The following CNTNAP3B variants were observed in gnomAD, a reference collection of about 807,000 sequenced individuals.
The protein encoded by CNTNAP3B is contactin associated protein family member 3B, also known as contactin-associated protein-like 3B.
A neutral mutation model predicts 108.9 loss-of-function variants in CNTNAP3B; 25 were observed. That is an observed-to-expected ratio of 0.23 (90% CI 0.17 to 0.32). CNTNAP3B has a LOEUF of 0.32. CNTNAP3B is among the 10% of genes least tolerant of loss of function. CNTNAP3B has a pLI of 1.00. For synonymous variants in CNTNAP3B, 103 were observed against 473.4 expected (o/e 0.22, Z 10.16); for missense variants, 252 against 1,210.4 (o/e 0.21, Z 11.75).
At chr9:41,994,173 G>GC (rs1312500900) in intron 7 of CNTNAP3B, 1 of 104,132 alleles carries the variant, frequency 9.6e-6, no homozygotes, top group Non-Finnish European at 1.9e-5. Context: ...TTTGGAAATA[G>GC]CCCCATAGAA....
intron 17 of CNTNAP3B, among the ~76,000 whole-genome samples, chr9:41,922,259 A>T (rs1823689835): frequency 8.0e-6 from 1 of 124,664 alleles, no homozygotes; most frequent in Non-Finnish European, 1.7e-5. Flanking sequence ...AGGTCAAGAG[A>T]TCACGACCAT....
intron 1 of CNTNAP3B, among the ~76,000 whole-genome samples, chr9:42,117,831 A>G (rs1289181525): frequency 1.4e-5 from 2 of 138,952 alleles, no homozygotes; most frequent in East Asian, 2.2e-4. Flanking sequence ...ACAATAAAAA[A>G]TGACAAAGGG....
intron 3 of CNTNAP3B, among the ~76,000 whole-genome samples, chr9:42,021,900 G>C (rs1434581381): frequency 1.5e-5 from 2 of 133,852 alleles, no homozygotes; most frequent in African/African-American, 3.0e-5. Context: ...GCAATGGGGA[G>C]ACCTGATCTA....
At chr9:42,098,599 C>A (rs76793175) in intron 2 of CNTNAP3B, among the ~76,000 whole-genome samples, 1,068 of 52,474 alleles carry the variant, frequency 0.02, 158 homozygotes, top group South Asian at 0.063. Flanking sequence ...AAAAAAAAAA[C>A]CAACAGCAAA....
At chr9:42,097,592 C>A (rs1211076308) in intron 2 of CNTNAP3B, among the ~76,000 whole-genome samples, 1 of 139,816 alleles carries the variant, frequency 7.2e-6, no homozygotes, top group Non-Finnish European at 1.5e-5. Flanking sequence ...TTACGTACTT[C>A]AAAAACTAAA....
chr9:42,094,057 G>C (rs1937245197), intron 2 of CNTNAP3B, among the ~76,000 whole-genome samples: 1 of 136,304 alleles, frequency 7.3e-6, no homozygotes, highest in South Asian at 2.4e-4. Context: ...CAGCTAGTAA[G>C]GGGTAGAGCC....
In CNTNAP3B at chr9:41,964,009, A is replaced by T. The variant is rs1470704819; in HGVS notation, c.1756+529T>A. 2.0e-5 allele frequency among the ~76,000 whole-genome samples: 3 copies of T among 151,916 alleles called. No individual in the cohort carries two copies. The East Asian group carries it at 5.8e-4, about 29-fold the overall frequency. On this transcript the variant is annotated intron_variant, in intron 11 of 23. Transcript: ENST00000377561. ...AAGAAAATCACAGTCATTGTAAGAG[A>T]TCTTAAAGGTCCTCTAGTTTCTAGC...
rs1358770573 is a variant in CNTNAP3B at position 41,993,890 on chromosome 9, CTTTTTG to C, written c.1072-2025_1072-2020del. ...ATATGCACAATTTGGAATGAATTGT[CTTTTTG>C]TTTTTGTGTGAAACTTACACATTTT... On this transcript the variant is annotated intron_variant, in intron 7 of 23. Transcript: ENST00000377561. The C allele has an allele frequency of 2.3e-5, 3 of 128,472 alleles. No homozygotes were observed. The East Asian group carries it at 7.6e-4, about 32-fold the overall frequency. The allele number at this position is 128,472 out of a possible 1,614,324, so 8.0% of individuals were successfully genotyped here.
rs1267850883 is a variant in CNTNAP3B, at chr9:42,129,284, G to A, written c.-190C>T. 3.2e-5 allele frequency: 23 copies of A among 709,470 alleles called. 2 individuals are homozygous for A. Among genetic ancestry groups the A allele is most frequent in the Admixed American group, 5.7e-5 (1 of 17,582 alleles). 43.9% of individuals were successfully genotyped at this position (709,470 alleles called of 1,614,324 possible). A position where few individuals can be genotyped will look rare whatever the true frequency, so the allele number is the denominator to read the frequency against. The stretch of plus-strand genomic sequence containing the variant: ...TCGGCGCTGCAGACCCTCCCGCCAA[G>A]CCGCGCCCGGCCCCAGCTGCGTCTC... On this transcript the variant is annotated 5_prime_UTR_variant, in exon 1 of 24. Transcript: ENST00000377561.
In CNTNAP3B at chr9:42,122,321, AAG is replaced by A. The variant is rs944733685; in HGVS notation, c.85+6687_85+6688del. Among the ~76,000 whole-genome samples the A allele has an allele frequency of 1.6e-4, 22 of 139,200 alleles. 6 individuals carry two copies. The highest frequency in any genetic ancestry group is 5.1e-4 in the African/African-American group (18 of 35,180). The allele number at this position is 139,200 out of a possible 152,430, so 91.3% of individuals were successfully genotyped here. ...TCCTTTGTTAGTGGACAAGAATGAA[AAG>A]AGATAAATTAGTTACTTTCTTAAAG... On this transcript the variant is annotated intron_variant, in intron 1 of 23. Transcript: ENST00000377561.
chr9:42,054,670 T>G (rs140478282), intron 3 of CNTNAP3B, among the ~76,000 whole-genome samples: 1 of 151,612 alleles, frequency 6.6e-6, no homozygotes, highest in Non-Finnish European at 1.5e-5. Flanking sequence ...ACATTAAACA[T>G]GGGAAAAAAA....
chr9:42,047,678 C>CACTT (rs1310530059), intron 3 of CNTNAP3B, among the ~76,000 whole-genome samples: 1 of 19,230 alleles, frequency 5.2e-5, no homozygotes, highest in Non-Finnish European at 1.1e-4. Context: ...GCCCCTTCCT[C>CACTT]CCTTCCTTCC....
At chr9:41,940,602 G>A (rs1304046838) in intron 13 of CNTNAP3B, among the ~76,000 whole-genome samples, 2 of 152,270 alleles carry the variant, frequency 1.3e-5, no homozygotes, top group Non-Finnish European at 2.9e-5. Flanking sequence ...GGCGGATCAC[G>A]AGGTCAGATC....
At chr9:42,116,853 A>G (rs992969220) in intron 1 of CNTNAP3B, among the ~76,000 whole-genome samples, 6 of 138,254 alleles carry the variant, frequency 4.3e-5, no homozygotes, top group Admixed American at 2.2e-4. Context: ...GGGAAAACAA[A>G]AAAAAAGCAG....
chr9:41,932,511 T>TTTAAC (rs1460517570), intron 14 of CNTNAP3B, among the ~76,000 whole-genome samples: 2 of 146,802 alleles, frequency 1.4e-5, no homozygotes, highest in Non-Finnish European at 3.0e-5. Context: ...TTTTTAACTT[T>TTTAAC]TTTTTCTTCT....
At chr9:42,120,001 T>C (rs943710175) in intron 1 of CNTNAP3B, among the ~76,000 whole-genome samples, 15 of 146,724 alleles carry the variant, frequency 1.0e-4, no homozygotes, top group Non-Finnish European at 2.1e-4. Flanking sequence ...AAAGAGCTTC[T>C]ACAGAGCAAA....
At chr9:41,966,865 G>T (rs1456525368) in intron 10 of CNTNAP3B, among the ~76,000 whole-genome samples, 1 of 149,926 alleles carries the variant, frequency 6.7e-6, no homozygotes, top group Non-Finnish European at 1.5e-5. Flanking sequence ...TACTCGGGAG[G>T]CCGAGGCATG....
chr9:41,932,044 G>A (rs1823993531), intron 14 of CNTNAP3B, among the ~76,000 whole-genome samples: 1 of 152,098 alleles, frequency 6.6e-6, no homozygotes, highest in South Asian at 2.1e-4. Context: ...CATAAAGATA[G>A]CCAGTGTTTT....
intron 2 of CNTNAP3B, among the ~76,000 whole-genome samples, chr9:42,085,645 AAGTTTCCTATTCAACC>A (rs1378116408): frequency 1.5e-5 from 2 of 132,352 alleles, no homozygotes; most frequent in Non-Finnish European, 3.2e-5. Flanking sequence ...GGTAAACAGG[AAGTTTCCTATTCAACC>A]TCACCTTTCT....
Sources: allele counts gnomAD v4.1 joint callset (sites outside exome capture counted in the v4.1 genomes callset), GRCh38; gene constraint gnomAD v4.1.1; transcripts MANE v1.5; gene names NCBI Gene and HGNC (gene_info 2026-07-23, HGNC 2026-07-21).